The following SPP2 variants were observed in gnomAD, a reference collection of about 807,000 sequenced individuals.
SPP2 encodes the protein secreted phosphoprotein 24.
SPP2 carries 34 observed loss-of-function variants against 28.8 expected under a neutral mutation model. That is an observed-to-expected ratio of 1.18 (90% CI 0.90 to 1.57). The LOEUF is 1.57. Among genes scored for constraint, SPP2 ranks in the 40% most tolerant of loss-of-function variants. The pLI is 0.00. For missense variants in SPP2, 269 were observed against 263.9 expected, an observed-to-expected ratio of 1.02 and a Z score of -0.13; for synonymous variants, 96 against 89.4, an observed-to-expected ratio of 1.07 and a Z score of -0.42.
intron 3 of SPP2, among the ~76,000 whole-genome samples, chr2:234,060,080 T>G (rs533366066): frequency 6.6e-6 from 1 of 152,324 alleles, no homozygotes; most frequent in East Asian, 1.9e-4. Context: ...CGTCATTTCT[T>G]TTTGTCCGAA....
chr2:234,053,831 C>G (rs922960380), intron 2 of SPP2, among the ~76,000 whole-genome samples: 7 of 151,650 alleles, frequency 4.6e-5, no homozygotes, highest in African/African-American at 1.7e-4. Context: ...ATGCTGGGCC[C>G]TATGCTGGGG....
rs56184185 is a variant in SPP2, at chr2:234,067,777, C to CA, written c.550+534dup. Among the ~76,000 whole-genome samples, 632 of 63,484 alleles carry CA rather than the reference C, an allele frequency of 1.0e-2. 15 individuals carry two copies. The highest frequency in any genetic ancestry group is 0.016 in the African/African-American group (235 of 14,334). 41.6% of individuals were successfully genotyped at this position (63,484 alleles called of 152,430 possible). A position where few individuals can be genotyped will look rare whatever the true frequency, so the allele number is the denominator to read the frequency against. On this transcript the variant is annotated intron_variant, in intron 6 of 7. Coordinates refer to ENST00000168148, the MANE Select transcript of SPP2 (RefSeq NM_006944.3). ...GGGCGACAGAGGCCAGACTCCGTCT[C>CA]AAAAAAAAAAAAAAAAAAAAAAAAA...
intron 7 of SPP2, among the ~76,000 whole-genome samples, chr2:234,074,241 C>G (rs1041392462): frequency 5.3e-5 from 8 of 152,120 alleles, no homozygotes; most frequent in Non-Finnish European, 1.0e-4. Context: ...GTTTAAGAAG[C>G]ATTTGTCATG....
In SPP2 at chr2:234,067,263, A is replaced by C. The variant is rs1163155420; in HGVS notation, c.539A>C (p.Asp180Ala). The stretch of plus-strand genomic sequence containing the variant: ...GAGTCCATAAGTGAACAATTTTATG[A>C]TCGGTCACTTGGTAAGTGATTTCTT... Reference protein sequence around the residue: ...SDESISEQFYDRSLGIMRRVL... With the variant: ...SDESISEQFYARSLGIMRRVL... The change falls in exon 6 of 8, where the codon GAT becomes GCT. Residue 180 changes from aspartate (D) to alanine (A), a missense_variant. By Grantham distance (126) the Asp-to-Ala change is moderately radical (BLOSUM62 -2). Coordinates refer to ENST00000168148, the MANE Select transcript of SPP2 (RefSeq NM_006944.3). The C allele has an allele frequency of 6.2e-7, 1 of 1,614,026 alleles. No individual in the cohort carries two copies. Among genetic ancestry groups the C allele is most frequent in the Admixed American group, 1.7e-5 (1 of 60,020 alleles).
intron 2 of SPP2, among the ~76,000 whole-genome samples, chr2:234,054,412 G>A (rs141733720): frequency 2.8e-3 from 430 of 152,206 alleles, no homozygotes; most frequent in African/African-American, 9.6e-3. Flanking sequence ...AAAGTACCAC[G>A]AACACATAAC....
intron 4 of SPP2, among the ~76,000 whole-genome samples, chr2:234,063,372 C>T (rs970716930): frequency 6.6e-6 from 1 of 151,958 alleles, no homozygotes; most frequent in Non-Finnish European, 1.5e-5. Flanking sequence ...AAATGGAAGC[C>T]ATGGCAAATA....
At chr2:234,057,259 C>T (rs1007317931) in intron 2 of SPP2, among the ~76,000 whole-genome samples, 7 of 152,134 alleles carry the variant, frequency 4.6e-5, no homozygotes, top group Admixed American at 6.5e-5. Flanking sequence ...AACACCTTTC[C>T]GTGGGCTCCA....
At chr2:234,067,584 T>A (rs935665034) in intron 6 of SPP2, among the ~76,000 whole-genome samples, 1 of 152,110 alleles carries the variant, frequency 6.6e-6, no homozygotes, top group Admixed American at 6.5e-5. Context: ...GAGACCATCC[T>A]GGCTAACATG....
intron 2 of SPP2, among the ~76,000 whole-genome samples, chr2:234,057,957 G>A (rs28903996): frequency 0.076 from 11,496 of 152,128 alleles, 821 homozygotes; most frequent in African/African-American, 0.19. Flanking sequence ...AAATCACCAC[G>A]AACACTGAAT....
At chr2:234,056,707 AT>A (rs1261194306) in intron 2 of SPP2, among the ~76,000 whole-genome samples, 4 of 152,088 alleles carry the variant, frequency 2.6e-5, no homozygotes. Context: ...AGAGATTTTT[AT>A]TTTTTAATTT....
At chr2:234,051,780 G>A (rs143578843) in intron 2 of SPP2, among the ~76,000 whole-genome samples, 60 of 152,296 alleles carry the variant, frequency 3.9e-4, no homozygotes, top group African/African-American at 1.4e-3. Flanking sequence ...GAGGTAGAGA[G>A]GTTCTATAAA....
chr2:234,054,639 T>G (rs4233639), intron 2 of SPP2, among the ~76,000 whole-genome samples: 51,866 of 151,986 alleles, frequency 0.34, 9,150 homozygotes, highest in South Asian at 0.5. Flanking sequence ...CACTTATAAG[T>G]GCTCTACCTT....
intron 7 of SPP2, among the ~76,000 whole-genome samples, chr2:234,072,979 C>T (rs1308240047): frequency 6.6e-6 from 1 of 152,186 alleles, no homozygotes; most frequent in Non-Finnish European, 1.5e-5. Context: ...ACTCCGCCTC[C>T]CAGGTTCAAG....
intron 2 of SPP2, among the ~76,000 whole-genome samples, chr2:234,056,815 T>G (rs1039620463): frequency 6.6e-6 from 1 of 152,132 alleles, no homozygotes; most frequent in African/African-American, 2.4e-5. Flanking sequence ...CTACTTGTTT[T>G]CAGAAAATTC....
chr2:234,060,357 T>C lies in SPP2; in HGVS notation c.334-12T>C. On this transcript the variant is annotated splice_polypyrimidine_tract_variant and intron_variant, in intron 3 of 7. Coordinates refer to ENST00000168148, the MANE Select transcript of SPP2 (RefSeq NM_006944.3). ...CAGCTGAAGAGAGAACTCACCCCTT[T>C]GTCTTTTCCAGTCCACAGCTGTTTG... 1 of 1,605,046 alleles carries C rather than the reference T, an allele frequency of 6.2e-7. No homozygotes were observed. Among genetic ancestry groups the C allele is most frequent in the Non-Finnish European group, 8.5e-7 (1 of 1,171,996 alleles).
In SPP2 at chr2:234,069,941, G is replaced by A. The variant is rs1693900422; in HGVS notation, c.564G>A (p.Arg188=). 1.2e-6 allele frequency: 2 copies of A among 1,612,986 alleles called. No homozygotes were observed. Among genetic ancestry groups the A allele is most frequent in the Non-Finnish European group, 1.7e-6 (2 of 1,179,208 alleles). ...FYDRSLGIMR[R]VLPPGNRRYP... ...TTCTATCTTTAGGGATCATGAGAAG[G>A]GTATTGCCTCCTGGAAACAGAAGGT... The change falls in exon 7 of 8, where the codon AGG becomes AGA. Residue 188 remains arginine (R), a synonymous_variant. Transcript: ENST00000168148.
intron 2 of SPP2, among the ~76,000 whole-genome samples, chr2:234,058,052 T>C (rs912015566): frequency 2.6e-5 from 4 of 152,204 alleles, no homozygotes; most frequent in Non-Finnish European, 5.9e-5. Context: ...CATCAACCCA[T>C]CAATACTAAC....
intron 6 of SPP2, among the ~76,000 whole-genome samples, chr2:234,068,095 G>A (rs995362670): frequency 2.0e-5 from 3 of 152,104 alleles, no homozygotes; most frequent in Non-Finnish European, 4.4e-5. Context: ...TCCCTCTCCT[G>A]TACAGATCAG....
intron 7 of SPP2, among the ~76,000 whole-genome samples, chr2:234,073,406 G>A (rs183262447): frequency 6.6e-6 from 1 of 152,214 alleles, no homozygotes; most frequent in African/African-American, 2.4e-5. Context: ...GAAATTGTGA[G>A]TGTCATTTTT....
Sources: allele counts gnomAD v4.1 joint callset (sites outside exome capture counted in the v4.1 genomes callset), GRCh38; gene constraint gnomAD v4.1.1; transcripts MANE v1.5; gene names NCBI Gene and HGNC (gene_info 2026-07-23, HGNC 2026-07-21).